CDH2: variants seen among roughly 807,000 people sequenced by gnomAD.
CDH2 encodes the protein cadherin 2.
In CDH2, 17 loss-of-function variants were observed where a neutral mutation model predicts 92.0. That is an observed-to-expected ratio of 0.18 (90% CI 0.13 to 0.28). The LOEUF (loss-of-function observed/expected upper bound fraction) is 0.28. Among genes scored for constraint, CDH2 ranks in the 10% least tolerant of loss-of-function variants. The probability of loss-of-function intolerance (pLI) is 1.00; values close to 1 mark genes in which losing one functional copy is unlikely to be tolerated. For synonymous variants in CDH2, 419 were observed against 415.9 expected (o/e 1.01, Z -0.09); for missense variants, 862 against 1,133.1 (o/e 0.76, Z 3.44).
At chr18:27,995,466 C>T (rs1192252333) in intron 7 of CDH2, among the ~76,000 whole-genome samples, 1 of 151,996 alleles carries the variant, frequency 6.6e-6, no homozygotes, top group Non-Finnish European at 1.5e-5. Context: ...AGCTGAAAAC[C>T]ATGAAAATAA....
chr18:27,980,143 C>A (rs17468143), intron 14 of CDH2, among the ~76,000 whole-genome samples: 51,447 of 151,916 alleles, frequency 0.34, 10,252 homozygotes, highest in African/African-American at 0.56. Flanking sequence ...CCTTTAAAAA[C>A]CGTAAGGATA....
At chr18:27,979,466 C>T (rs1441756483) in intron 14 of CDH2, among the ~76,000 whole-genome samples, 1 of 152,164 alleles carries the variant, frequency 6.6e-6, no homozygotes, top group Non-Finnish European at 1.5e-5. Context: ...CTCTGTGGCT[C>T]AGACATTCAA....
chr18:27,965,911 T>G (rs1477395591), intron 14 of CDH2, among the ~76,000 whole-genome samples: 1 of 141,506 alleles, frequency 7.1e-6, no homozygotes, highest in Non-Finnish European at 1.5e-5. Context: ...TCGCTTGAAC[T>G]CGGGAGGTGA....
At chr18:27,983,110 T>A in intron 13 of CDH2, 27 bp from the exon 14 acceptor site, 1 of 1,576,522 alleles carries the variant, frequency 6.3e-7, no homozygotes, top group Non-Finnish European at 8.7e-7. Flanking sequence ...TAAAAATACA[T>A]AATATTGTCA....
At chr18:28,165,260 G>A (rs1329644619) in intron 1 of CDH2, among the ~76,000 whole-genome samples, 1 of 152,128 alleles carries the variant, frequency 6.6e-6, no homozygotes, top group Admixed American at 6.5e-5. Context: ...ACAGCTCACT[G>A]TAACCTTGAA....
intron 7 of CDH2, among the ~76,000 whole-genome samples, chr18:27,999,736 A>C (rs2012706001): frequency 6.6e-6 from 1 of 151,578 alleles, no homozygotes; most frequent in Non-Finnish European, 1.5e-5. Flanking sequence ...GTGTATATAT[A>C]TATACATTTT....
intron 15 of CDH2, among the ~76,000 whole-genome samples, chr18:27,953,097 A>T (rs1325781488): frequency 2.6e-5 from 4 of 152,158 alleles, no homozygotes; most frequent in Non-Finnish European, 4.4e-5. Context: ...CTGGTATTTT[A>T]AAAAATAGGG....
chr18:27,997,813 C>CTT (rs1272480506), intron 7 of CDH2, among the ~76,000 whole-genome samples: 1 of 146,616 alleles, frequency 6.8e-6, no homozygotes, highest in African/African-American at 2.5e-5. Flanking sequence ...TGTTCAAATT[C>CTT]TTTTTTTTTT....
chr18:28,063,052 A>G (rs545835541), intron 2 of CDH2, among the ~76,000 whole-genome samples: 1 of 152,322 alleles, frequency 6.6e-6, no homozygotes, highest in East Asian at 1.9e-4. Flanking sequence ...AAAAAGCAGT[A>G]ATTTAAACGT....
rs17522116 is a variant in CDH2 at position 27,972,160 on chromosome 18, G to A, written c.2350-8639C>T. Reference sequence around the variant, plus strand: ...GATTTAGCTCCAGACTGTATACTCAGATTTTTTTTTAATAACTTGGCTGCT... The same window carrying A: ...GATTTAGCTCCAGACTGTATACTCAAATTTTTTTTTAATAACTTGGCTGCT... On this transcript the variant is annotated intron_variant, in intron 14 of 15. Coordinates refer to ENST00000269141, the MANE Select transcript of CDH2 (RefSeq NM_001792.5). 8.7e-3 allele frequency among the ~76,000 whole-genome samples: 1,331 copies of A among 152,160 alleles called. 30 individuals carry two copies. Among genetic ancestry groups the A allele is most frequent in the African/African-American group, 0.03 (1,264 of 41,506 alleles).
rs17536884 is a variant in CDH2 at position 28,165,299 on chromosome 18, C to T, written c.60+11664G>A. On this transcript the variant is annotated intron_variant, in intron 1 of 15. Transcript: ENST00000269141. ...CTGAACTCAAGTGATCCTCCTGCCTCAGCCTCTGGAATAGCTGGGACTATA... is the reference window on the plus strand; with the variant it reads ...CTGAACTCAAGTGATCCTCCTGCCTTAGCCTCTGGAATAGCTGGGACTATA... 1.7e-3 allele frequency among the ~76,000 whole-genome samples: 264 copies of T among 152,294 alleles called. 2 individuals are homozygous for T. Among genetic ancestry groups the T allele is most frequent in the African/African-American group, 5.8e-3 (241 of 41,572 alleles).
At chr18:28,111,086 C>G (rs2015403650) in intron 2 of CDH2, among the ~76,000 whole-genome samples, 1 of 152,174 alleles carries the variant, frequency 6.6e-6, no homozygotes. Flanking sequence ...TTCTTATCAG[C>G]TCTCCTATCG....
chr18:28,154,116 C>T (rs2016170134), intron 1 of CDH2, among the ~76,000 whole-genome samples: 1 of 152,194 alleles, frequency 6.6e-6, no homozygotes, highest in Admixed American at 6.5e-5. Context: ...TACCTTTTGA[C>T]CCTAGTCTTC....
At chr18:28,176,239 G>A (rs2144380151) in intron 1 of CDH2, among the ~76,000 whole-genome samples, 1 of 152,324 alleles carries the variant, frequency 6.6e-6, no homozygotes, top group East Asian at 1.9e-4. Flanking sequence ...AGAGAAAGGA[G>A]CAGCCGCGTA....
chr18:28,135,064 T>G (rs1182327089), intron 2 of CDH2, among the ~76,000 whole-genome samples: 1 of 152,170 alleles, frequency 6.6e-6, no homozygotes, highest in Non-Finnish European at 1.5e-5. Context: ...CATCTCATGA[T>G]TCTAAGTGAA....
intron 2 of CDH2, among the ~76,000 whole-genome samples, chr18:28,036,146 G>T (rs1235314513): frequency 6.6e-6 from 1 of 152,118 alleles, no homozygotes; most frequent in Non-Finnish European, 1.5e-5. Flanking sequence ...TTATCAGCTA[G>T]ATTTGAAAAT....
At chr18:28,017,215 A>C (rs953620286) in intron 2 of CDH2, among the ~76,000 whole-genome samples, 1 of 152,094 alleles carries the variant, frequency 6.6e-6, no homozygotes, top group Non-Finnish European at 1.5e-5. Flanking sequence ...ATGTTTGATA[A>C]AATTCAACTG....
At chr18:28,006,843 A>G (rs1229316420) in intron 5 of CDH2, among the ~76,000 whole-genome samples, 1 of 151,964 alleles carries the variant, frequency 6.6e-6, no homozygotes, top group Non-Finnish European at 1.5e-5. Context: ...CTTTTCCTTA[A>G]TTGTAAAAGT....
intron 2 of CDH2, among the ~76,000 whole-genome samples, chr18:28,046,741 G>A (rs2014084308): frequency 6.6e-6 from 1 of 151,770 alleles, no homozygotes; most frequent in African/African-American, 2.4e-5. Context: ...ACATTTAGAT[G>A]TGCTACTTAT....
Sources: gnomAD v4.1 joint callset for allele counts (sites outside exome capture counted in the v4.1 genomes callset) on GRCh38, gnomAD v4.1.1 for gene constraint, MANE v1.5 for transcripts, NCBI Gene and HGNC (gene_info 2026-07-23, HGNC 2026-07-21) for gene names.